Variants in PRDM11 observed in about 807,000 individuals in gnomAD.
The protein encoded by PRDM11 is PR domain-containing protein 11.
Under a neutral mutation model 97.8 loss-of-function variants are expected in PRDM11, and 20 were observed. That is an observed-to-expected ratio of 0.20 (90% CI 0.14 to 0.30). The LOEUF (loss-of-function observed/expected upper bound fraction) is 0.30, where lower values mean the gene tolerates loss of function less well. Among genes scored for constraint, PRDM11 ranks in the 10% least tolerant of loss-of-function variants. The probability of loss-of-function intolerance (pLI) is 1.00; values close to 1 mark genes in which losing one functional copy is unlikely to be tolerated. For missense variants in PRDM11, 1,139 were observed against 1,555.2 expected (o/e 0.73, Z 4.50); for synonymous variants, 599 against 637.7 (o/e 0.94, Z 0.91).
intron 1 of PRDM11, among the ~76,000 whole-genome samples, chr11:45,167,345 C>A (rs1472706870): frequency 6.6e-6 from 1 of 152,092 alleles, no homozygotes; most frequent in Non-Finnish European, 1.5e-5. Context: ...TGGAAGAACC[C>A]TAGGTCACAT....
At chr11:45,190,602 G>A (rs1185768952) in intron 4 of PRDM11, among the ~76,000 whole-genome samples, 1 of 151,520 alleles carries the variant, frequency 6.6e-6, no homozygotes, top group African/African-American at 2.4e-5. Context: ...AGGCTACCTG[G>A]TAAATACTTT....
chr11:45,217,499 G>T (rs1250989983), intron 5 of PRDM11, among the ~76,000 whole-genome samples: 2 of 152,212 alleles, frequency 1.3e-5, no homozygotes, highest in East Asian at 1.9e-4. Context: ...AATCTTGCAA[G>T]TTCTACACCT....
At chr11:45,209,256 A>G (rs539486453) in intron 5 of PRDM11, 367 of 381,130 alleles carry the variant, frequency 9.6e-4, no homozygotes, top group Non-Finnish European at 1.4e-3. Flanking sequence ...CGGCTTCCCC[A>G]GGGCGGAACT....
chr11:45,172,652 T>C (rs1297707920), intron 1 of PRDM11, among the ~76,000 whole-genome samples: 3 of 152,196 alleles, frequency 2.0e-5, no homozygotes, highest in Non-Finnish European at 4.4e-5. Context: ...TCCTTGTGAT[T>C]ATTCCCTAAA....
upstream of PRDM11, among the ~76,000 whole-genome samples, chr11:45,145,301 A>G (rs1362094366): frequency 1.3e-5 from 2 of 152,210 alleles, no homozygotes. Context: ...GTGACGCCAG[A>G]GTCAAGGGAA....
chr11:45,223,057 T>G (rs533832164), intron 6 of PRDM11, among the ~76,000 whole-genome samples: 7 of 152,360 alleles, frequency 4.6e-5, no homozygotes, highest in Admixed American at 1.3e-4. Flanking sequence ...GGCTCATGCC[T>G]GTAATCTCAG....
chr11:45,227,701 G>T lies in PRDM11; in HGVS notation c.3076G>T (p.Val1026Phe). The T allele has an allele frequency of 6.5e-7, 1 of 1,533,946 alleles. No individual in the cohort carries two copies. Among genetic ancestry groups the T allele is most frequent in the Non-Finnish European group, 8.7e-7 (1 of 1,146,726 alleles). ...GGCCATCCCGACCTTTTCCCGGGAT[G>T]TCTGTAGGGAAGGGCTGGACCCCCG... The part of the protein sequence containing the change: ...LEAIPTFSRD[V>F]CREGLDPRGS... Residue 1026 changes from valine to phenylalanine, a missense_variant, in exon 8 of 8, where the codon GTC becomes TTC. By Grantham distance (50) the Val-to-Phe change is conservative (BLOSUM62 -1). Transcript: ENST00000683152. The surrounding 1 kb of genome is among the most constrained non-coding windows in gnomAD (Gnocchi z 8.0).
chr11:45,164,052 A>G (rs1458422838), intron 1 of PRDM11, among the ~76,000 whole-genome samples: 1 of 152,176 alleles, frequency 6.6e-6, no homozygotes, highest in Non-Finnish European at 1.5e-5. Context: ...ACCCTTGGCT[A>G]CCCACTTAAC....
At chr11:45,163,670 A>G (rs1229004915) in intron 1 of PRDM11, among the ~76,000 whole-genome samples, 4 of 152,224 alleles carry the variant, frequency 2.6e-5, no homozygotes, top group Non-Finnish European at 5.9e-5. Context: ...GGCTTTGAGT[A>G]AGTCCCTTTC....
intron 1 of PRDM11, among the ~76,000 whole-genome samples, chr11:45,178,913 A>G (rs374699602): frequency 4.6e-5 from 7 of 152,224 alleles, no homozygotes; most frequent in East Asian, 3.8e-4. Flanking sequence ...TAAGGGAAAC[A>G]GATATTAATC....
rs746941578 is a variant in PRDM11, at chr11:45,224,810, G to A, written c.1336G>A (p.Val446Ile). The A allele has an allele frequency of 2.6e-5, 42 of 1,614,158 alleles. 1 individual carries two copies. In the South Asian group the frequency reaches 4.4e-4, roughly 17 times the overall value. The change falls in exon 7 of 8, where the codon GTA (valine) becomes ATA (isoleucine). Residue 446 changes from valine (V) to isoleucine (I), a missense_variant. Physicochemically the swap from Val to Ile is conservative, Grantham distance 29. Coordinates refer to ENST00000683152, the MANE Select transcript of PRDM11 (RefSeq NM_001384648.1). ...TGAGCCCCCCGTATTGCCACCACAG[G>A]TACTGGAGCTCCCAGAGTTCTCGGA... ...LPEPPVLPPQ[V>I]LELPEFSDPA...
In PRDM11 at chr11:45,232,532, G is replaced by C. The variant is rs549842530; in HGVS notation, c.*4373G>C. 3 of 152,444 alleles carry C rather than the reference G, an allele frequency of 2.0e-5. No individual in the cohort carries two copies. The highest frequency in any genetic ancestry group is 7.2e-5 in the African/African-American group (3 of 41,586). 9.4% of individuals were successfully genotyped at this position (152,444 alleles called of 1,614,324 possible). ...CAAGAGGCAGATCTAGCCAGGCCAG[G>C]CTGAAACAGCTGAAACAGGCAGGCC... On this transcript the variant is annotated 3_prime_UTR_variant, in exon 8 of 8. Coordinates refer to ENST00000683152, the MANE Select transcript of PRDM11 (RefSeq NM_001384648.1).
Position 45,180,767 on chromosome 11 carries a change from C to G in PRDM11, c.-6-994C>G, listed in dbSNP as rs1387492948. Among the ~76,000 whole-genome samples the G allele has an allele frequency of 1.1e-4, 17 of 150,242 alleles. 1 individual carries two copies. In the East Asian group the frequency reaches 3.3e-3, roughly 30 times the overall value. On this transcript the variant is annotated intron_variant, in intron 1 of 7. Coordinates refer to ENST00000683152, the MANE Select transcript of PRDM11 (RefSeq NM_001384648.1). Reference sequence around the variant, plus strand: ...GAGAGGGGGAGAGCCCGCCCGCGCCCGCCCCGGCCGCAGCCTACACCGGCC... The same window carrying G: ...GAGAGGGGGAGAGCCCGCCCGCGCCGGCCCCGGCCGCAGCCTACACCGGCC...
intron 1 of PRDM11, among the ~76,000 whole-genome samples, chr11:45,099,697 A>G (rs932584873): frequency 6.6e-6 from 1 of 152,178 alleles, no homozygotes; most frequent in African/African-American, 2.4e-5. Context: ...TCAAGCATTT[A>G]TTCTTTGTGT....
upstream of PRDM11, among the ~76,000 whole-genome samples, chr11:45,141,888 G>C (rs1332381197): frequency 6.6e-6 from 1 of 152,192 alleles, no homozygotes; most frequent in African/African-American, 2.4e-5. Flanking sequence ...CCAGGGAAGG[G>C]AGTTTTTGTT....
chr11:45,155,273 G>A (rs1380493074), intron 1 of PRDM11, among the ~76,000 whole-genome samples: 9 of 152,244 alleles, frequency 5.9e-5, no homozygotes, highest in South Asian at 4.1e-4. Flanking sequence ...GCTGCCCGAT[G>A]CCAGGGGATG....
chr11:45,224,333 T>G lies in PRDM11; in HGVS notation c.859T>G (p.Phe287Val). The change falls in exon 7 of 8, where the codon TTT becomes GTT. Residue 287 changes from phenylalanine to valine, a missense_variant. Transcript: ENST00000683152. ...RQGKSPYKRG[F>V]DEGDVHPQAK... is the part of the protein sequence containing the mutation. ...GGGCAAAAGTCCCTACAAGCGTGGCTTTGATGAGGGGGATGTACACCCCCA... is the reference window on the plus strand; with the variant it reads ...GGGCAAAAGTCCCTACAAGCGTGGCGTTGATGAGGGGGATGTACACCCCCA... 6.2e-7 allele frequency: 1 copy of G among 1,614,096 alleles called. No homozygotes were observed. Among genetic ancestry groups the G allele is most frequent in the Non-Finnish European group, 8.5e-7 (1 of 1,180,022 alleles).
rs778103205 is a variant in PRDM11 at position 45,226,384 on chromosome 11, C to CAGAAGA, written c.1759_1760insAGAAGA (p.Arg587delinsGlnLysSer). On this transcript the variant is annotated protein_altering_variant, in exon 8 of 8. Coordinates refer to ENST00000683152, the MANE Select transcript of PRDM11 (RefSeq NM_001384648.1). ...CCCGGAGAAGACAGAGGAGATGTGT[C>CAGAAGA]GCAACATGACCCTGCTCTTCAACAC... 6.5e-7 allele frequency: 1 copy of CAGAAGA among 1,533,970 alleles called. No individual in the cohort carries two copies.
At chr11:45,174,081 C>G (rs1242877127) in intron 1 of PRDM11, among the ~76,000 whole-genome samples, 2 of 152,204 alleles carry the variant, frequency 1.3e-5, no homozygotes, top group East Asian at 3.9e-4. Context: ...ACCTCTAACA[C>G]CATAGTTGTG....
Sources: gnomAD v4.1 joint callset for allele counts (sites outside exome capture counted in the v4.1 genomes callset) on GRCh38, gnomAD v4.1.1 for gene constraint, Gnocchi (gnomAD v3.1) non-coding constraint, MANE v1.5 for transcripts, NCBI Gene and HGNC (gene_info 2026-07-23, HGNC 2026-07-21) for gene names.